Variants in TMEM108 observed in about 807,000 individuals in gnomAD.
TMEM108 encodes transmembrane protein 108, also known as cancer/testis antigen 124.
In TMEM108, 12 loss-of-function variants were observed where a neutral mutation model predicts 35.1. That is an observed-to-expected ratio of 0.34 (90% CI 0.22 to 0.55). The LOEUF (loss-of-function observed/expected upper bound fraction) is 0.55, where lower values mean the gene tolerates loss of function less well. Ranked by LOEUF, TMEM108 falls within the 20% of genes least tolerant of loss-of-function variation. The pLI is 0.89. For synonymous variants in TMEM108, 287 were observed against 308.6 expected, an observed-to-expected ratio of 0.93 and a Z score of 0.73; for missense variants, 680 against 753.3, an observed-to-expected ratio of 0.90 and a Z score of 1.14.
rs143004641 is a variant in TMEM108 at position 133,156,977 on chromosome 3, A to G, written c.-46-72289A>G. Among the ~76,000 whole-genome samples the G allele has an allele frequency of 4.9e-3, 753 of 152,308 alleles. 7 individuals carry two copies. The highest frequency in any genetic ancestry group is 0.017 in the African/African-American group (701 of 41,560). On this transcript the variant is annotated intron_variant, in intron 2 of 5. Coordinates refer to ENST00000321871, the MANE Select transcript of TMEM108 (RefSeq NM_023943.4). ...CCAGCTACCTGATGTTAAGTATAAA[A>G]CATGAACAAGAAATTAATTTCTGTC...
At chr3:133,115,910 G>T (rs1944282639) in intron 2 of TMEM108, among the ~76,000 whole-genome samples, 1 of 152,180 alleles carries the variant, frequency 6.6e-6, no homozygotes, top group Admixed American at 6.5e-5. Flanking sequence ...GTTCTCATGT[G>T]TGAGTTTTTC....
At chr3:133,224,654 A>G (rs576002026) in intron 2 of TMEM108, among the ~76,000 whole-genome samples, 103 of 152,094 alleles carry the variant, frequency 6.8e-4, no homozygotes, top group Non-Finnish European at 1.2e-3. Context: ...GCCATGTAAG[A>G]TGTGCTTTTT....
chr3:133,043,691 AG>A (rs1943302291), intron 1 of TMEM108, among the ~76,000 whole-genome samples: 1 of 151,876 alleles, frequency 6.6e-6, no homozygotes, highest in African/African-American at 2.4e-5. Context: ...TTGACTTCTG[AG>A]GTAGTACACC....
rs537629624 is a variant in TMEM108 at position 133,266,130 on chromosome 3, G to T, written c.40+36779G>T. On this transcript the variant is annotated intron_variant, in intron 3 of 5. Transcript: ENST00000321871. ...CACTTGCAGTAGTTTCCTTAGCCTA[G>T]ATTTTCTGGATAATATTCTTCCTCC... Among the ~76,000 whole-genome samples, 23 of 151,948 alleles carry T rather than the reference G, an allele frequency of 1.5e-4. No homozygotes were observed. The South Asian group carries it at 4.8e-3, about 32-fold the overall frequency.
At chr3:133,255,417 A>G (rs1025205807) in intron 3 of TMEM108, among the ~76,000 whole-genome samples, 1 of 152,244 alleles carries the variant, frequency 6.6e-6, no homozygotes, top group African/African-American at 2.4e-5. Flanking sequence ...CTTAACTAGC[A>G]GATTAAACAT....
chr3:133,360,941 AT>A (rs2072329704), intron 3 of TMEM108, among the ~76,000 whole-genome samples: 1 of 152,250 alleles, frequency 6.6e-6, no homozygotes, highest in African/African-American at 2.4e-5. Flanking sequence ...AAACAAAAAA[AT>A]ATAGGCTGAT....
intron 1 of TMEM108, among the ~76,000 whole-genome samples, chr3:133,044,173 G>C (rs1943307799): frequency 6.6e-6 from 1 of 151,962 alleles, no homozygotes; most frequent in African/African-American, 2.4e-5. Flanking sequence ...GTTATATTTG[G>C]GTTTATGTAA....
At chr3:133,309,393 C>A (rs923851057) in intron 3 of TMEM108, among the ~76,000 whole-genome samples, 1 of 152,012 alleles carries the variant, frequency 6.6e-6, no homozygotes, top group African/African-American at 2.4e-5. Flanking sequence ...TTATTTCTCA[C>A]CTTCTGCTAG....
intron 3 of TMEM108, among the ~76,000 whole-genome samples, chr3:133,241,489 C>T (rs764420681): frequency 6.6e-6 from 1 of 152,176 alleles, no homozygotes; most frequent in African/African-American, 2.4e-5. Flanking sequence ...GCCTTTGTTC[C>T]GACTGTACCA....
At chr3:133,382,973 C>T (rs1279903362) in intron 4 of TMEM108, among the ~76,000 whole-genome samples, 1 of 152,234 alleles carries the variant, frequency 6.6e-6, no homozygotes, top group Non-Finnish European at 1.5e-5. Flanking sequence ...TTGCATATTT[C>T]ATTCTTAATG....
chr3:133,057,296 T>C (rs910067685), intron 2 of TMEM108, among the ~76,000 whole-genome samples: 1 of 152,082 alleles, frequency 6.6e-6, no homozygotes, highest in Non-Finnish European at 1.5e-5. Context: ...CCCTTTTCTC[T>C]ATTTTCCTTA....
At chr3:133,258,458 CTCGCTT>C (rs1458797209) in intron 3 of TMEM108, among the ~76,000 whole-genome samples, 1 of 152,200 alleles carries the variant, frequency 6.6e-6, no homozygotes, top group African/African-American at 2.4e-5. Flanking sequence ...CCCACACCAC[CTCGCTT>C]TTGATAAAGT....
chr3:133,235,476 A>G (rs1304996906), intron 3 of TMEM108, among the ~76,000 whole-genome samples: 1 of 152,202 alleles, frequency 6.6e-6, no homozygotes, highest in Non-Finnish European at 1.5e-5. Flanking sequence ...GATCTTTGAC[A>G]AACCTGAGAA....
At chr3:133,133,300 A>G (rs1944516053) in intron 2 of TMEM108, among the ~76,000 whole-genome samples, 1 of 152,224 alleles carries the variant, frequency 6.6e-6, no homozygotes, top group Non-Finnish European at 1.5e-5. Context: ...AGCAGTCATC[A>G]ACATTGAGGA....
At chr3:133,178,582 G>A (rs961836860) in intron 2 of TMEM108, among the ~76,000 whole-genome samples, 11 of 152,286 alleles carry the variant, frequency 7.2e-5, no homozygotes, top group African/African-American at 2.6e-4. Flanking sequence ...TTAATAAATG[G>A]TTCTGGGAAA....
intron 2 of TMEM108, among the ~76,000 whole-genome samples, chr3:133,069,008 C>T (rs1337165394): frequency 6.6e-6 from 1 of 152,034 alleles, no homozygotes; most frequent in Non-Finnish European, 1.5e-5. Context: ...CAGTGTACAT[C>T]CATGTTTGGA....
At chr3:133,351,663 A>T (rs2072001383) in intron 3 of TMEM108, among the ~76,000 whole-genome samples, 1 of 152,176 alleles carries the variant, frequency 6.6e-6, no homozygotes, top group South Asian at 2.1e-4. Flanking sequence ...TGTGAGATGC[A>T]CTTTCCTATA....
intron 2 of TMEM108, among the ~76,000 whole-genome samples, chr3:133,085,710 G>A (rs1324006281): frequency 6.6e-6 from 1 of 151,832 alleles, no homozygotes; most frequent in Non-Finnish European, 1.5e-5. Context: ...TCCCATTAAG[G>A]TGTCATGTTG....
intron 3 of TMEM108, among the ~76,000 whole-genome samples, chr3:133,323,260 A>G (rs909595787): frequency 6.6e-6 from 1 of 152,096 alleles, no homozygotes; most frequent in Admixed American, 6.6e-5. Flanking sequence ...ATTCATCCAA[A>G]AAGATTCATC....
Sources: allele counts gnomAD v4.1 joint callset (sites outside exome capture counted in the v4.1 genomes callset), GRCh38; gene constraint gnomAD v4.1.1; transcripts MANE v1.5; gene names NCBI Gene and HGNC (gene_info 2026-07-23, HGNC 2026-07-21).